The following ESRP1 variants were observed in gnomAD, a reference collection of about 807,000 sequenced individuals.
ESRP1 encodes the protein epithelial splicing regulatory protein 1.
ESRP1 carries 33 observed loss-of-function variants against 81.7 expected under a neutral mutation model. The ratio of observed to expected loss-of-function variants is 0.40; its 90% CI spans 0.31 to 0.54. The LOEUF (loss-of-function observed/expected upper bound fraction) is 0.54. Ranked by LOEUF, ESRP1 falls within the 20% of genes least tolerant of loss-of-function variation. ESRP1 has a pLI of 0.41. For missense variants in ESRP1, 672 were observed against 833.1 expected (o/e 0.81, Z 2.38); for synonymous variants, 320 against 303.3 (o/e 1.06, Z -0.57).
At chr8:94,675,312 C>T (rs1337461675) in intron 12 of ESRP1, among the ~76,000 whole-genome samples, 1 of 152,176 alleles carries the variant, frequency 6.6e-6, no homozygotes, top group Non-Finnish European at 1.5e-5. Flanking sequence ...ATTTGCAGTA[C>T]AGTTCAAAGA....
chr8:94,704,732 G>T (rs1021855256), intron 15 of ESRP1, among the ~76,000 whole-genome samples: 1 of 139,684 alleles, frequency 7.2e-6, no homozygotes, highest in Admixed American at 7.8e-5. Context: ...CTGTACTCCA[G>T]CCTGGGTGAC....
intron 11 of ESRP1, among the ~76,000 whole-genome samples, chr8:94,673,445 C>A (rs1316106343): frequency 4.6e-5 from 7 of 152,114 alleles, no homozygotes; most frequent in African/African-American, 1.4e-4. Flanking sequence ...TGGTAACTTG[C>A]ATGGTAATAA....
chr8:94,679,068 C>A (rs1353935136), intron 13 of ESRP1, among the ~76,000 whole-genome samples: 1 of 152,172 alleles, frequency 6.6e-6, no homozygotes, highest in Non-Finnish European at 1.5e-5. Context: ...TTGGACCTAA[C>A]CTGTCTGATC....
intron 15 of ESRP1, among the ~76,000 whole-genome samples, chr8:94,705,146 T>G: frequency 6.9e-6 from 1 of 145,488 alleles, no homozygotes; most frequent in Non-Finnish European, 1.5e-5. Context: ...TGTTATGTCA[T>G]GCCTTATTGC....
At chr8:94,668,808 T>TGTGTGTGTGTGTGTGTGTGTGTGTGTG (rs56799877) in intron 10 of ESRP1, among the ~76,000 whole-genome samples, 34 of 151,404 alleles carry the variant, frequency 2.2e-4, no homozygotes, top group African/African-American at 2.9e-4. Context: ...TGTGTGTGTG[T>TGTGTGTGTGTGTGTGTGTGTGTGTGTG]TTGAGATGGG....
intron 10 of ESRP1, among the ~76,000 whole-genome samples, chr8:94,669,930 A>G (rs980137376): frequency 6.6e-5 from 10 of 152,182 alleles, no homozygotes; most frequent in Admixed American, 2.6e-4. Context: ...TAAGTGCTGA[A>G]TCTCTAAAAT....
rs1243840143 is a variant in ESRP1, at chr8:94,703,107, TG to T, written c.*36-2817del. Among the ~76,000 whole-genome samples, 403 of 113,576 alleles carry T rather than the reference TG, an allele frequency of 3.5e-3. 3 individuals are homozygous for T. The highest frequency in any genetic ancestry group is 0.032 in the Middle Eastern group (8 of 252). 74.5% of individuals were successfully genotyped at this position (113,576 alleles called of 152,430 possible). A position where few individuals can be genotyped will look rare whatever the true frequency, so the allele number is the denominator to read the frequency against. The stretch of plus-strand genomic sequence containing the variant: ...AACATTATCTCCTTCTGAGATTGAT[TG>T]TTTTTTTTTTTTTTTTGCTAGCAGT... On this transcript the variant is annotated intron_variant, in intron 15 of 15. Coordinates refer to ENST00000433389, the MANE Select transcript of ESRP1 (RefSeq NM_017697.4).
intron 6 of ESRP1, among the ~76,000 whole-genome samples, chr8:94,662,840 C>T (rs1432832529): frequency 6.6e-6 from 1 of 152,206 alleles, no homozygotes; most frequent in Non-Finnish European, 1.5e-5. Flanking sequence ...AATCTCCTGA[C>T]CTCGTGATCT....
In ESRP1 at chr8:94,662,263, A is replaced by G. The variant is rs1256327047; in HGVS notation, c.491-9A>G. The G allele has an allele frequency of 1.3e-6, 2 of 1,525,110 alleles. No individual in the cohort carries two copies. The highest frequency in any genetic ancestry group is 8.9e-7 in the Non-Finnish European group (1 of 1,122,730). 94.5% of individuals were successfully genotyped at this position (1,525,110 alleles called of 1,614,324 possible). A position where few individuals can be genotyped will look rare whatever the true frequency, so the allele number is the denominator to read the frequency against. On this transcript the variant is annotated splice_polypyrimidine_tract_variant and intron_variant, in intron 4 of 15. Transcript: ENST00000433389. ...CTTTCCAAAGTGTTTCCTTAATTTA[A>G]TCTCACAGATTTAAATTTTGAGAAG...
intron 4 of ESRP1, among the ~76,000 whole-genome samples, chr8:94,653,274 G>A (rs917886691): frequency 2.6e-5 from 4 of 152,174 alleles, no homozygotes; most frequent in Non-Finnish European, 5.9e-5. Flanking sequence ...ATCAGTGTGT[G>A]ACATTAGCCT....
Position 94,697,053 on chromosome 8 carries a change from C to A in ESRP1, c.*35+92C>A, listed in dbSNP as rs942694590. ...TTAGAAATCAACTGAGAGAATCCTTCTTTTCTTTAGTGTAATGTAAAATAT... is the reference window on the plus strand; with the variant it reads ...TTAGAAATCAACTGAGAGAATCCTTATTTTCTTTAGTGTAATGTAAAATAT... On this transcript the variant is annotated intron_variant, in intron 15 of 15. Coordinates refer to ENST00000433389, the MANE Select transcript of ESRP1 (RefSeq NM_017697.4). 10 of 835,592 alleles carry A rather than the reference C, an allele frequency of 1.2e-5. No individual in the cohort carries two copies. The African/African-American group carries it at 1.4e-4, about 12-fold the overall frequency. 51.8% of individuals were successfully genotyped at this position (835,592 alleles called of 1,614,324 possible). A position where few individuals can be genotyped will look rare whatever the true frequency, so the allele number is the denominator to read the frequency against.
intron 2 of ESRP1, among the ~76,000 whole-genome samples, chr8:94,642,693 C>T (rs957537569): frequency 6.0e-4 from 92 of 152,190 alleles, no homozygotes; most frequent in African/African-American, 2.2e-3. Context: ...TGATGGAATC[C>T]CCTTATTAGG....
rs144813599 is a variant in ESRP1, at chr8:94,641,946, A to G, written c.133-10A>G. On this transcript the variant is annotated splice_polypyrimidine_tract_variant and intron_variant, in intron 1 of 15. Coordinates refer to ENST00000433389, the MANE Select transcript of ESRP1 (RefSeq NM_017697.4). Reference sequence around the variant, plus strand: ...GGGGGAAACTGACCCGTGCTTCTCTACCTTCGGAGGTGGGACAGTTGCACG... The same window carrying G: ...GGGGGAAACTGACCCGTGCTTCTCTGCCTTCGGAGGTGGGACAGTTGCACG... The G allele has an allele frequency of 6.2e-4, 999 of 1,613,524 alleles. 6 individuals are homozygous for G. In the African/African-American group the frequency reaches 8.4e-3, roughly 14 times the overall value.
chr8:94,660,727 A>C (rs1455478406), intron 4 of ESRP1, among the ~76,000 whole-genome samples: 1 of 133,240 alleles, frequency 7.5e-6, no homozygotes, highest in Non-Finnish European at 1.6e-5. Context: ...AAAAAAAAAA[A>C]AAAAAAAAAA....
intron 1 of ESRP1, 168 bp downstream of exon 1, chr8:94,641,618 C>A: frequency 1.0e-6 from 1 of 958,638 alleles, no homozygotes; most frequent in Non-Finnish European, 1.5e-6. Context: ...ACTTATTGGC[C>A]AACTGCCTTG....
chr8:94,665,282 G>T, intron 9 of ESRP1, 86 bp downstream of exon 9: 1 of 1,270,298 alleles, frequency 7.9e-7, no homozygotes, highest in East Asian at 2.5e-5. Flanking sequence ...AGGTGAATAG[G>T]GTCATGAATG....
In ESRP1 at chr8:94,646,211, GA is replaced by G. The variant is rs34810012; in HGVS notation, c.423del (p.Glu142AsnfsTer20). ...PECFYSFFDL[R>X]KEFKKCCPGS... ...TGCTTCTATTCCTTTTTTGATCTTC[GA>G]AAAGAATTCAAGAAATGTTGCCCTG... On this transcript the variant is annotated frameshift_variant, in exon 4 of 16. Coordinates refer to ENST00000433389, the MANE Select transcript of ESRP1 (RefSeq NM_017697.4). LOFTEE classifies it high-confidence loss of function. The G allele has an allele frequency of 6.2e-7, 1 of 1,611,608 alleles. No homozygotes were observed. Among genetic ancestry groups the G allele is most frequent in the Non-Finnish European group, 8.5e-7 (1 of 1,178,836 alleles).
At chr8:94,641,523 G>T (rs570738623) in intron 1 of ESRP1, 73 bp downstream of exon 1, 4 of 1,594,994 alleles carry the variant, frequency 2.5e-6, no homozygotes, top group African/African-American at 1.3e-5. Flanking sequence ...GGGCGGGGAG[G>T]GGGGTGGAGG....
At chr8:94,692,345 G>A (rs1203588575) in intron 13 of ESRP1, among the ~76,000 whole-genome samples, 4 of 152,020 alleles carry the variant, frequency 2.6e-5, no homozygotes, top group Non-Finnish European at 5.9e-5. Flanking sequence ...GTAGCTAGCC[G>A]GTGAATCATC....
Sources: allele counts gnomAD v4.1 joint callset (sites outside exome capture counted in the v4.1 genomes callset), GRCh38; gene constraint gnomAD v4.1.1; transcripts MANE v1.5; gene names NCBI Gene and HGNC (gene_info 2026-07-23, HGNC 2026-07-21).